Variants in ARHGAP26 observed in about 807,000 individuals in gnomAD.
ARHGAP26 encodes the protein rho GTPase-activating protein 26.
In ARHGAP26, 38 loss-of-function variants were observed where a neutral mutation model predicts 104.8. The observed-to-expected ratio is 0.36, with a 90% confidence interval of 0.28 to 0.48. ARHGAP26 has a LOEUF of 0.48. Among genes scored for constraint, ARHGAP26 ranks in the 20% least tolerant of loss-of-function variants. The pLI, the probability that ARHGAP26 is intolerant of heterozygous loss-of-function variation, is 0.99. For missense variants in ARHGAP26, 704 were observed against 947.9 expected, an observed-to-expected ratio of 0.74 and a Z score of 3.38; for synonymous variants, 341 against 340.0, an observed-to-expected ratio of 1.00 and a Z score of -0.03.
At chr5:143,123,964 AACACACAC>A (rs34527854) in intron 18 of ARHGAP26, among the ~76,000 whole-genome samples, 1 of 151,122 alleles carries the variant, frequency 6.6e-6, no homozygotes, top group Non-Finnish European at 1.5e-5. Context: ...CTGTAATAGA[AACACACAC>A]ACACACACAC....
At chr5:143,059,063 A>G (rs564870776) in intron 17 of ARHGAP26, among the ~76,000 whole-genome samples, 10 of 152,254 alleles carry the variant, frequency 6.6e-5, no homozygotes, top group Non-Finnish European at 1.2e-4. Context: ...CTGAGATGAC[A>G]GTTGAGTACC....
intron 1 of ARHGAP26, chr5:142,860,200 T>C (rs547879288): frequency 6.6e-6 from 1 of 152,300 alleles, no homozygotes; most frequent in Non-Finnish European, 1.5e-5. Flanking sequence ...TTATTAAAAA[T>C]TTCAAGACAG....
intron 14 of ARHGAP26, among the ~76,000 whole-genome samples, chr5:143,045,857 G>A (rs935064502): frequency 2.0e-5 from 3 of 152,174 alleles, no homozygotes; most frequent in Non-Finnish European, 4.4e-5. Flanking sequence ...AATTAGGCTG[G>A]GTGTGGTGGC....
At chr5:143,178,658 A>T (rs1219547219) in intron 20 of ARHGAP26, among the ~76,000 whole-genome samples, 1 of 152,162 alleles carries the variant, frequency 6.6e-6, no homozygotes, top group Admixed American at 6.5e-5. Context: ...GCTGCTGCCC[A>T]TGGGGGCTCC....
intron 20 of ARHGAP26, among the ~76,000 whole-genome samples, chr5:143,176,208 A>T (rs1803455669): frequency 6.6e-6 from 1 of 152,210 alleles, no homozygotes; most frequent in Non-Finnish European, 1.5e-5. Context: ...TTAGCCAGAG[A>T]TTAGCCAAGC....
intron 11 of ARHGAP26, among the ~76,000 whole-genome samples, chr5:142,970,964 G>A (rs969972798): frequency 7.2e-5 from 11 of 152,182 alleles, no homozygotes; most frequent in Non-Finnish European, 1.5e-4. Flanking sequence ...ACTTTTTAAA[G>A]TGTGATTGTG....
intron 13 of ARHGAP26, among the ~76,000 whole-genome samples, chr5:143,038,752 G>A (rs1783026887): frequency 8.0e-6 from 1 of 125,484 alleles, no homozygotes; most frequent in Non-Finnish European, 1.6e-5. Context: ...CTGGAGTGCA[G>A]TAATGCAGTC....
intron 17 of ARHGAP26, among the ~76,000 whole-genome samples, chr5:143,098,255 A>G (rs967070462): frequency 4.6e-5 from 7 of 152,204 alleles, no homozygotes; most frequent in Non-Finnish European, 5.9e-5. Context: ...TTTACATTGG[A>G]TAGCATAACT....
intron 12 of ARHGAP26, among the ~76,000 whole-genome samples, chr5:143,024,696 C>G (rs1236223669): frequency 6.6e-6 from 1 of 152,158 alleles, no homozygotes; most frequent in African/African-American, 2.4e-5. Flanking sequence ...ACCCTATGAG[C>G]TAGATACTAT....
chr5:143,041,811 C>T lies in ARHGAP26; in HGVS notation c.1211-5C>T. 1.9e-6 allele frequency: 3 copies of T among 1,606,340 alleles called. No homozygotes were observed. Among genetic ancestry groups the T allele is most frequent in the South Asian group, 1.1e-5 (1 of 89,798 alleles). Reference sequence around the variant, plus strand: ...TAATTAAATCATCACTGTTTCTTTCCTCAGGGATCAACGAGCAAGGGCTGT... The same window carrying T: ...TAATTAAATCATCACTGTTTCTTTCTTCAGGGATCAACGAGCAAGGGCTGT... On this transcript the variant is annotated splice_polypyrimidine_tract_variant and splice_region_variant and intron_variant, in intron 13 of 22. Coordinates refer to ENST00000645722, the MANE Select transcript of ARHGAP26 (RefSeq NM_001135608.3).
intron 1 of ARHGAP26, among the ~76,000 whole-genome samples, chr5:142,843,976 A>C (rs1241319478): frequency 6.6e-6 from 1 of 151,058 alleles, no homozygotes; most frequent in Non-Finnish European, 1.5e-5. Context: ...GTCTCCTTCC[A>C]TTGTTGTGGG....
At chr5:143,142,392 G>A (rs974797446) in intron 19 of ARHGAP26, among the ~76,000 whole-genome samples, 13 of 151,566 alleles carry the variant, frequency 8.6e-5, no homozygotes, top group South Asian at 2.1e-4. Context: ...CACCTGCCTC[G>A]GCCTCCCAAA....
intron 1 of ARHGAP26, among the ~76,000 whole-genome samples, chr5:142,786,943 C>G (rs921236197): frequency 2.4e-4 from 36 of 152,168 alleles, no homozygotes; most frequent in Admixed American, 7.9e-4. Context: ...CTGCGTCCGG[C>G]TTGGATTTCT....
chr5:142,825,537 C>G (rs1767067651), intron 1 of ARHGAP26, among the ~76,000 whole-genome samples: 1 of 152,164 alleles, frequency 6.6e-6, no homozygotes, highest in African/African-American at 2.4e-5. Context: ...GCCTGAGTGT[C>G]GTCACCCTGA....
intron 11 of ARHGAP26, among the ~76,000 whole-genome samples, chr5:142,946,127 G>T (rs1005243246): frequency 1.3e-5 from 2 of 152,112 alleles, no homozygotes; most frequent in Admixed American, 6.5e-5. Context: ...AACCACTTAA[G>T]TTTCTCTCTC....
intron 11 of ARHGAP26, among the ~76,000 whole-genome samples, chr5:142,938,017 A>G (rs765951823): frequency 6.6e-6 from 1 of 152,202 alleles, no homozygotes; most frequent in Non-Finnish European, 1.5e-5. Context: ...AGCAAAGTAT[A>G]TGTGTATACT....
chr5:143,120,166 GT>G (rs1184533661), intron 17 of ARHGAP26, among the ~76,000 whole-genome samples: 2 of 152,200 alleles, frequency 1.3e-5, no homozygotes, highest in African/African-American at 4.8e-5. Context: ...TGATTTATAT[GT>G]TTTTATACAT....
intron 22 of ARHGAP26, 89 bp from the exon 23 acceptor site, chr5:143,222,268 CA>C: frequency 1.7e-5 from 12 of 722,294 alleles, no homozygotes; most frequent in East Asian, 1.1e-4. Context: ...CACACACACA[CA>C]CACACACACA....
chr5:143,085,198 A>G (rs1790399595), intron 17 of ARHGAP26, among the ~76,000 whole-genome samples: 1 of 152,002 alleles, frequency 6.6e-6, no homozygotes, highest in South Asian at 2.1e-4. Flanking sequence ...CTTCTTGATG[A>G]TAGGCCCCAG....
Sources: gnomAD v4.1 joint callset for allele counts (sites outside exome capture counted in the v4.1 genomes callset) on GRCh38, gnomAD v4.1.1 for gene constraint, MANE v1.5 for transcripts, NCBI Gene and HGNC (gene_info 2026-07-23, HGNC 2026-07-21) for gene names.